CDH13: variants seen among roughly 807,000 people sequenced by gnomAD.
CDH13 encodes cadherin 13, also known as cadherin-13.
Under a neutral mutation model 63.8 loss-of-function variants are expected in CDH13, and 24 were observed. The observed-to-expected ratio is 0.38, with a 90% CI of 0.27 to 0.53. The LOEUF (loss-of-function observed/expected upper bound fraction) is 0.53, where lower values mean the gene tolerates loss of function less well. Ranked by LOEUF, CDH13 falls within the 20% of genes least tolerant of loss-of-function variation. CDH13 has a pLI of 0.85. For missense variants in CDH13, 1,049 were observed against 903.1 expected (o/e 1.16, Z -2.07); for synonymous variants, 503 against 355.3 (o/e 1.42, Z -4.67).
At chr16:82,633,558 T>C (rs564274647) in intron 1 of CDH13, among the ~76,000 whole-genome samples, 3 of 152,284 alleles carry the variant, frequency 2.0e-5, no homozygotes, top group South Asian at 4.2e-4. Context: ...TTTTTATTTT[T>C]AGTAGAGACG....
chr16:83,277,410 G>A (rs2089026445), intron 5 of CDH13, among the ~76,000 whole-genome samples: 1 of 152,096 alleles, frequency 6.6e-6, no homozygotes, highest in Admixed American at 6.5e-5. Context: ...CTCTTTCTGT[G>A]GGGCCCAGGG....
intron 1 of CDH13, among the ~76,000 whole-genome samples, chr16:82,789,382 A>G (rs2036177601): frequency 1.3e-5 from 2 of 152,232 alleles, no homozygotes. Flanking sequence ...TATGCTCTTT[A>G]TATCTCACCT....
At chr16:83,319,789 A>C (rs2090182417) in intron 5 of CDH13, among the ~76,000 whole-genome samples, 1 of 152,212 alleles carries the variant, frequency 6.6e-6, no homozygotes, top group Non-Finnish European at 1.5e-5. Flanking sequence ...ACACAGGGAA[A>C]GCTTGAATGG....
intron 1 of CDH13, among the ~76,000 whole-genome samples, chr16:82,629,687 G>A (rs1403850249): frequency 6.6e-6 from 1 of 152,176 alleles, no homozygotes; most frequent in Non-Finnish European, 1.5e-5. Flanking sequence ...TTATTGGCTT[G>A]GTTGTTGTTT....
chr16:83,025,193 T>A (rs1915685639), intron 2 of CDH13, among the ~76,000 whole-genome samples: 1 of 152,220 alleles, frequency 6.6e-6, no homozygotes, highest in African/African-American at 2.4e-5. Flanking sequence ...ATTATCTTGT[T>A]TACACATGCC....
At chr16:83,218,408 G>T (rs984009044) in intron 5 of CDH13, among the ~76,000 whole-genome samples, 1 of 152,120 alleles carries the variant, frequency 6.6e-6, no homozygotes, top group Non-Finnish European at 1.5e-5. Flanking sequence ...CATTTGCTGG[G>T]GGAGTCACCT....
chr16:83,044,194 G>A (rs773990419), intron 3 of CDH13, among the ~76,000 whole-genome samples: 2 of 152,182 alleles, frequency 1.3e-5, no homozygotes, highest in South Asian at 4.1e-4. Context: ...GCTCAGAAAA[G>A]TTAAGTAACT....
At chr16:83,409,652 C>T (rs2092098252) in intron 6 of CDH13, among the ~76,000 whole-genome samples, 1 of 152,210 alleles carries the variant, frequency 6.6e-6, no homozygotes, top group Admixed American at 6.5e-5. Flanking sequence ...ATCTGCCTAG[C>T]CTATTTCCCT....
intron 8 of CDH13, among the ~76,000 whole-genome samples, chr16:83,635,641 C>T (rs1445030712): frequency 6.6e-6 from 1 of 152,064 alleles, no homozygotes; most frequent in Non-Finnish European, 1.5e-5. Flanking sequence ...CACGCCCGGC[C>T]CCATTTTCTA....
chr16:83,562,860 G>T (rs1349314386), intron 7 of CDH13, among the ~76,000 whole-genome samples: 2 of 152,202 alleles, frequency 1.3e-5, no homozygotes, highest in Non-Finnish European at 1.5e-5. Flanking sequence ...CTATTCTACT[G>T]TTACTATAAA....
chr16:82,718,699 G>T (rs905819298), intron 1 of CDH13, among the ~76,000 whole-genome samples: 3 of 152,152 alleles, frequency 2.0e-5, no homozygotes, highest in African/African-American at 7.2e-5. Context: ...CAAGAGAAGA[G>T]AACTCGTGCA....
chr16:83,750,976 T>A (rs1413009528), intron 11 of CDH13, among the ~76,000 whole-genome samples: 1 of 147,934 alleles, frequency 6.8e-6, no homozygotes. Context: ...CTTAACTATT[T>A]AAAAAAAAAA....
At chr16:82,928,344 T>A (rs1053783942) in intron 2 of CDH13, among the ~76,000 whole-genome samples, 3 of 152,208 alleles carry the variant, frequency 2.0e-5, no homozygotes, top group Non-Finnish European at 2.9e-5. Context: ...TGATATTTCT[T>A]CATGTGGACC....
intron 10 of CDH13, among the ~76,000 whole-genome samples, chr16:83,741,443 A>ATTTTATTTTATTTATTTTATTTTATTTT (rs1912050368): frequency 6.6e-6 from 1 of 151,406 alleles, no homozygotes; most frequent in Non-Finnish European, 1.5e-5. Flanking sequence ...TTTATTTTCT[A>ATTTTATTTTATTTATTTTATTTTATTTT]CGTTTCTCAT....
intron 1 of CDH13, among the ~76,000 whole-genome samples, chr16:82,752,499 G>T (rs1184795463): frequency 6.6e-6 from 1 of 152,214 alleles, no homozygotes; most frequent in Non-Finnish European, 1.5e-5. Context: ...TACAGTTCTT[G>T]ATTGGTTGAG....
At chr16:83,728,333 A>ATG (rs1433484586) in intron 10 of CDH13, among the ~76,000 whole-genome samples, 11 of 46,900 alleles carry the variant, frequency 2.3e-4, no homozygotes, top group South Asian at 6.6e-4. Context: ...GTGTATGTGT[A>ATG]TGTGTGTGCG....
intron 4 of CDH13, among the ~76,000 whole-genome samples, chr16:83,188,370 C>T (rs980461342): frequency 3.3e-5 from 5 of 151,998 alleles, no homozygotes; most frequent in South Asian, 2.1e-4. Flanking sequence ...AAAGATTTGT[C>T]GGGGGAAGTG....
Position 83,714,266 on chromosome 16 carries a change from A to T in CDH13, c.1539-33842A>T, listed in dbSNP as rs369314042. On this transcript the variant is annotated intron_variant, in intron 10 of 13. Coordinates refer to ENST00000567109, the MANE Select transcript of CDH13 (RefSeq NM_001257.5). ...TCACGTTGCTTTAGTGTCTTGCCCC[A>T]AGTGCTATTAATATCCCTGTCCCTA... Among the ~76,000 whole-genome samples the T allele has an allele frequency of 5.9e-4, 90 of 152,310 alleles. 2 individuals are homozygous for T. The South Asian group carries it at 0.018, about 31-fold the overall frequency.
intron 7 of CDH13, among the ~76,000 whole-genome samples, chr16:83,498,280 A>G (rs1229881848): frequency 1.3e-5 from 2 of 152,102 alleles, no homozygotes; most frequent in Non-Finnish European, 2.9e-5. Context: ...ACCAGCATGG[A>G]GTGAAATAAG....
Sources: allele counts gnomAD v4.1 joint callset (sites outside exome capture counted in the v4.1 genomes callset), GRCh38; gene constraint gnomAD v4.1.1; transcripts MANE v1.5; gene names NCBI Gene and HGNC (gene_info 2026-07-23, HGNC 2026-07-21).